The following PARD3B variants were observed in gnomAD, a reference collection of about 807,000 sequenced individuals.
PARD3B encodes the protein partitioning defective 3 homolog B.
A neutral mutation model predicts 130.2 loss-of-function variants in PARD3B; 103 were observed. The ratio of observed to expected loss-of-function variants is 0.79; its 90% confidence interval spans 0.67 to 0.93. The LOEUF is 0.93. Among genes scored for constraint, PARD3B ranks in the 40% least tolerant of loss-of-function variants. The probability of loss-of-function intolerance (pLI) is 0.00; values close to 1 mark genes in which losing one functional copy is unlikely to be tolerated. For synonymous variants in PARD3B, 583 were observed against 553.2 expected, an observed-to-expected ratio of 1.05 and a Z score of -0.76; for missense variants, 1,609 against 1,499.2, an observed-to-expected ratio of 1.07 and a Z score of -1.21.
rs1371777016 is a variant in PARD3B, at chr2:205,078,744, G to C, written c.505-25682G>C. Among the ~76,000 whole-genome samples the C allele has an allele frequency of 1.3e-5, 2 of 152,204 alleles. No homozygotes were observed. The highest frequency in any genetic ancestry group is 2.9e-5 in the Non-Finnish European group (2 of 68,034). The stretch of plus-strand genomic sequence containing the variant: ...AGACATTGTGTGACTTCTGAGACTA[G>C]TTCAGAAAAGGCTATACCTGTGGCT... On this transcript the variant is annotated intron_variant, in intron 4 of 22. Coordinates refer to ENST00000406610, the MANE Select transcript of PARD3B (RefSeq NM_001302769.2). The surrounding 1 kb of genome is among the most constrained non-coding windows in gnomAD (Gnocchi z 4.0).
At position 205,383,222 on chromosome 2, in the gene PARD3B, T is replaced by C. The variant is rs542147487; in HGVS notation, c.2631-17791T>C. 2.0e-5 allele frequency among the ~76,000 whole-genome samples: 3 copies of C among 152,208 alleles called. No individual in the cohort carries two copies. The South Asian group carries it at 6.2e-4, about 32-fold the overall frequency. The stretch of plus-strand genomic sequence containing the variant: ...ACATTAAAAAACCATGAGTTTATAC[T>C]GATACCTCCAATTCTAATCCAATAC... On this transcript the variant is annotated intron_variant, in intron 18 of 22. Coordinates refer to ENST00000406610, the MANE Select transcript of PARD3B (RefSeq NM_001302769.2).
chr2:204,872,431 G>A (rs893575920), intron 2 of PARD3B, among the ~76,000 whole-genome samples: 3 of 152,068 alleles, frequency 2.0e-5, no homozygotes, highest in Admixed American at 6.6e-5. Flanking sequence ...AGATGATCTC[G>A]TCACTGTATC....
intron 18 of PARD3B, among the ~76,000 whole-genome samples, chr2:205,353,590 A>G (rs1183638901): frequency 6.6e-6 from 1 of 152,234 alleles, no homozygotes; most frequent in Non-Finnish European, 1.5e-5. Context: ...AGTAAAGAAA[A>G]TAAAATTATT....
intron 22 of PARD3B, among the ~76,000 whole-genome samples, chr2:205,557,098 G>T (rs1015823390): frequency 6.6e-6 from 1 of 152,078 alleles, no homozygotes; most frequent in African/African-American, 2.4e-5. Context: ...TTGCTCTTCC[G>T]GACTTAGAAT....
chr2:205,490,009 C>T (rs539535229), intron 20 of PARD3B, among the ~76,000 whole-genome samples: 3 of 152,182 alleles, frequency 2.0e-5, no homozygotes, highest in East Asian at 3.9e-4. Context: ...AAGTTGCCTT[C>T]GTGAATCAAT....
chr2:205,312,672 C>T (rs1046947657), intron 18 of PARD3B, among the ~76,000 whole-genome samples: 1 of 152,314 alleles, frequency 6.6e-6, no homozygotes, highest in Middle Eastern at 3.4e-3. Flanking sequence ...TTCAGCCCAT[C>T]TTAAATTATT....
Position 205,500,014 on chromosome 2 carries a change from G to A in PARD3B, c.3163G>A (p.Glu1055Lys), listed in dbSNP as rs1181804119. 1.8e-5 allele frequency: 29 copies of A among 1,613,694 alleles called. No homozygotes were observed. Among genetic ancestry groups the A allele is most frequent in the East Asian group, 2.2e-5 (1 of 44,876 alleles). Residue 1055 changes from glutamate (E) to lysine (K), a missense_variant, in exon 21 of 23, where the codon GAG (glutamate) becomes AAG (lysine). Transcript: ENST00000406610. Reference protein sequence around the residue: ...EDDEGRARPSEYDLLWVPGRG... With the variant: ...EDDEGRARPSKYDLLWVPGRG... ...CGACGAAGGAAGAGCAAGGCCATCT[G>A]AGTATGACCTACTCTGGGTAAGCGC...
chr2:205,148,692 A>T (rs564639171), intron 10 of PARD3B, among the ~76,000 whole-genome samples: 6 of 152,268 alleles, frequency 3.9e-5, no homozygotes, highest in Middle Eastern at 3.4e-3. Flanking sequence ...GAATTGCCAG[A>T]TATGGCTTTT....
At chr2:205,236,437 C>T (rs2039065820) in intron 15 of PARD3B, among the ~76,000 whole-genome samples, 2 of 151,768 alleles carry the variant, frequency 1.3e-5, no homozygotes, top group Admixed American at 1.3e-4. Context: ...AAATTTGGCA[C>T]ACACACAGAT....
At chr2:204,886,694 A>G (rs997466957) in intron 2 of PARD3B, among the ~76,000 whole-genome samples, 1 of 152,222 alleles carries the variant, frequency 6.6e-6, no homozygotes, top group African/African-American at 2.4e-5. Flanking sequence ...GTAAACAGAT[A>G]CAATCAATAA....
chr2:205,467,189 A>G (rs1269972927), intron 20 of PARD3B, among the ~76,000 whole-genome samples: 2 of 152,250 alleles, frequency 1.3e-5, no homozygotes, highest in Non-Finnish European at 2.9e-5. Flanking sequence ...AACAGCAGCA[A>G]AAAAGTTGTC....
intron 22 of PARD3B, among the ~76,000 whole-genome samples, chr2:205,582,361 G>A (rs1173756681): frequency 6.6e-6 from 1 of 152,094 alleles, no homozygotes; most frequent in Non-Finnish European, 1.5e-5. Context: ...AAGAAACATT[G>A]CTTTTAAGAA....
intron 19 of PARD3B, among the ~76,000 whole-genome samples, chr2:205,430,250 G>A (rs1033972297): frequency 6.6e-6 from 1 of 152,074 alleles, no homozygotes; most frequent in African/African-American, 2.4e-5. Flanking sequence ...ATTTATCCGG[G>A]TTTAGTTGAA....
chr2:205,204,074 G>A (rs2037145811), intron 15 of PARD3B, among the ~76,000 whole-genome samples: 1 of 152,170 alleles, frequency 6.6e-6, no homozygotes, highest in Admixed American at 6.5e-5. Context: ...CACCAACAAT[G>A]TAAAAGTATT....
chr2:204,589,265 A>G (rs1041456065), intron 1 of PARD3B, among the ~76,000 whole-genome samples: 1 of 152,178 alleles, frequency 6.6e-6, no homozygotes, highest in Non-Finnish European at 1.5e-5. Context: ...GACAGTGTTG[A>G]GCCTTGGCAA....
chr2:204,820,681 G>C (rs970680302), intron 2 of PARD3B, among the ~76,000 whole-genome samples: 10 of 151,992 alleles, frequency 6.6e-5, no homozygotes, highest in Admixed American at 1.3e-4. Flanking sequence ...CAGATGTGGT[G>C]GTGGGTGCCT....
chr2:205,213,675 A>G (rs2037764020), intron 15 of PARD3B, among the ~76,000 whole-genome samples: 1 of 152,166 alleles, frequency 6.6e-6, no homozygotes, highest in African/African-American at 2.4e-5. Flanking sequence ...AAATAGAATG[A>G]GGATAAAGGT....
At chr2:204,823,670 T>G (rs1043768632) in intron 2 of PARD3B, among the ~76,000 whole-genome samples, 3 of 152,232 alleles carry the variant, frequency 2.0e-5, no homozygotes, top group African/African-American at 7.2e-5. Context: ...CTGGGCACAG[T>G]TGCTCAAGCC....
At chr2:204,778,142 C>G (rs1198737137) in intron 2 of PARD3B, among the ~76,000 whole-genome samples, 1 of 133,888 alleles carries the variant, frequency 7.5e-6, no homozygotes, top group Non-Finnish European at 1.5e-5. Context: ...AACACACCCT[C>G]TATCAAAAAA....
Sources: gnomAD v4.1 joint callset for allele counts (sites outside exome capture counted in the v4.1 genomes callset) on GRCh38, gnomAD v4.1.1 for gene constraint, Gnocchi (gnomAD v3.1) non-coding constraint, MANE v1.5 for transcripts, NCBI Gene and HGNC (gene_info 2026-07-23, HGNC 2026-07-21) for gene names.